The following COL6A6 variants were observed in gnomAD, a reference collection of about 807,000 sequenced individuals.
The protein encoded by COL6A6 is collagen type VI alpha 6 chain, also known as collagen alpha-6(VI) chain.
A neutral mutation model predicts 208.6 loss-of-function variants in COL6A6; 183 were observed. The ratio of observed to expected loss-of-function variants is 0.88; its 90% CI spans 0.78 to 0.99. The LOEUF (loss-of-function observed/expected upper bound fraction) is 0.99. Among genes scored for constraint, COL6A6 ranks in the 50% least tolerant of loss-of-function variants. COL6A6 has a pLI of 0.00. For missense variants in COL6A6, 2,816 were observed against 2,815.2 expected, an observed-to-expected ratio of 1.00 and a Z score of -0.01; for synonymous variants, 973 against 1,011.8, an observed-to-expected ratio of 0.96 and a Z score of 0.73.
At chr3:130,549,340 T>C (rs1183905610) in intron 1 of COL6A6, among the ~76,000 whole-genome samples, 2 of 152,128 alleles carry the variant, frequency 1.3e-5, no homozygotes, top group African/African-American at 4.8e-5. Context: ...AAATTTCTTA[T>C]AGAGATAGGC....
chr3:130,603,447 G>A (rs553242644), intron 20 of COL6A6, among the ~76,000 whole-genome samples: 2 of 152,276 alleles, frequency 1.3e-5, no homozygotes, highest in South Asian at 2.1e-4. Context: ...CCAGTGCTAT[G>A]CTAGCAGACT....
In COL6A6 at chr3:130,634,583, A is replaced by T; in HGVS notation, c.4993-7A>T. ...CCTGTATAAATCTTTCCTCCTGTCC[A>T]TTACAGGGACAAGAAGGATTCCCTG... On this transcript the variant is annotated splice_region_variant and splice_polypyrimidine_tract_variant and intron_variant, in intron 26 of 36. Coordinates refer to ENST00000358511, the MANE Select transcript of COL6A6 (RefSeq NM_001102608.3). The T allele has an allele frequency of 6.2e-7, 1 of 1,604,072 alleles. No individual in the cohort carries two copies. The highest frequency in any genetic ancestry group is 8.5e-7 in the Non-Finnish European group (1 of 1,174,376).
At chr3:130,561,737 C>T (rs2062891225) in intron 2 of COL6A6, among the ~76,000 whole-genome samples, 2 of 144,684 alleles carry the variant, frequency 1.4e-5, no homozygotes, top group Admixed American at 7.3e-5. Flanking sequence ...ACTGCAAGCT[C>T]CGCTTCCCGG....
intron 24 of COL6A6, 24 bp from the exon 25 acceptor site, chr3:130,626,461 A>G: frequency 1.3e-6 from 2 of 1,586,298 alleles, no homozygotes; most frequent in Non-Finnish European, 1.7e-6. Context: ...TTTCCAACCT[A>G]AAAACAATCT....
intron 23 of COL6A6, among the ~76,000 whole-genome samples, chr3:130,611,468 C>G (rs796100072): frequency 4.0e-5 from 6 of 151,692 alleles, no homozygotes; most frequent in African/African-American, 1.5e-4. Context: ...TTGCCTGTCT[C>G]TCCTCCTAGA....
intron 1 of COL6A6, among the ~76,000 whole-genome samples, chr3:130,524,539 T>G (rs1449353117): frequency 6.6e-6 from 1 of 152,048 alleles, no homozygotes; most frequent in Non-Finnish European, 1.5e-5. Context: ...TCCCACCTCA[T>G]TTTCTTGGAT....
intron 1 of COL6A6, among the ~76,000 whole-genome samples, chr3:130,550,802 A>G (rs2062625531): frequency 6.6e-6 from 1 of 152,200 alleles, no homozygotes. Flanking sequence ...CAGCCAAACC[A>G]TATCAGGCTC....
intron 25 of COL6A6, 46 bp downstream of exon 25, chr3:130,626,593 A>G: frequency 7.6e-7 from 1 of 1,313,738 alleles, no homozygotes. Context: ...GGAATCTTTT[A>G]GTTCAGTAGA....
At chr3:130,665,330 A>G (rs1022205450) in intron 36 of COL6A6, among the ~76,000 whole-genome samples, 5 of 152,196 alleles carry the variant, frequency 3.3e-5, no homozygotes, top group African/African-American at 1.2e-4. Context: ...GTGTTGAAAT[A>G]AAACACCCAA....
intron 4 of COL6A6, among the ~76,000 whole-genome samples, chr3:130,566,411 G>A (rs2063024586): frequency 6.6e-6 from 1 of 152,130 alleles, no homozygotes; most frequent in Admixed American, 6.5e-5. Flanking sequence ...TTTACTAATG[G>A]GTGAAGTGTC....
In COL6A6 at chr3:130,592,554, C is replaced by G; in HGVS notation, c.4286C>G (p.Ala1429Gly). The G allele has an allele frequency of 6.2e-7, 1 of 1,604,358 alleles. No individual in the cohort carries two copies. The highest frequency in any genetic ancestry group is 8.5e-7 in the Non-Finnish European group (1 of 1,174,290). Residue 1429 changes from alanine (A) to glycine (G), a missense_variant, in exon 14 of 37, where the codon GCC becomes GGC. Ala to Gly is a moderately conservative substitution (Grantham distance 60, BLOSUM62 0). Transcript: ENST00000358511. ...GCCCTTTCTCAGGGAGAAAGAGGAG[C>G]CCCTGGACCAGTGGGAGAGCAAGGT... ...GEEGIAGERG[A>G]PGPVGEQGTK...
At chr3:130,643,169 G>T in intron 31 of COL6A6, 146 bp downstream of exon 31, 1 of 805,112 alleles carries the variant, frequency 1.2e-6, no homozygotes, top group Admixed American at 2.3e-5. Flanking sequence ...GCATAGACTG[G>T]TGACTTTTAA....
intron 35 of COL6A6, among the ~76,000 whole-genome samples, chr3:130,662,662 C>T (rs2065967050): frequency 6.6e-6 from 1 of 152,158 alleles, no homozygotes; most frequent in African/African-American, 2.4e-5. Flanking sequence ...AACCTTAGCA[C>T]ACTGCCCTTT....
chr3:130,604,421 G>A (rs528378337), intron 20 of COL6A6, among the ~76,000 whole-genome samples: 1 of 152,042 alleles, frequency 6.6e-6, no homozygotes, highest in East Asian at 1.9e-4. Flanking sequence ...CGTGAACCCG[G>A]GAAGCGGAGC....
At chr3:130,555,958 T>A (rs1354863470) in intron 1 of COL6A6, among the ~76,000 whole-genome samples, 1 of 152,208 alleles carries the variant, frequency 6.6e-6, no homozygotes, top group African/African-American at 2.4e-5. Context: ...TGGTGAAATC[T>A]GGGCTTTTAG....
chr3:130,622,930 G>C (rs910328190), intron 24 of COL6A6, among the ~76,000 whole-genome samples: 2 of 151,784 alleles, frequency 1.3e-5, no homozygotes, highest in Non-Finnish European at 2.9e-5. Context: ...GGGAATGGGG[G>C]GACTGTAATG....
chr3:130,626,649 A>T (rs546210495), intron 25 of COL6A6, 102 bp downstream of exon 25: 1 of 807,510 alleles, frequency 1.2e-6, no homozygotes, highest in African/African-American at 1.7e-5. Context: ...TACAATCCTC[A>T]TGAAGTTTTA....
rs1238761728 is a variant in COL6A6 at position 130,567,756 on chromosome 3, A to G, written c.1844-291A>G. 3.3e-5 allele frequency among the ~76,000 whole-genome samples: 5 copies of G among 152,326 alleles called. No individual in the cohort carries two copies. In the East Asian group the frequency reaches 9.6e-4, roughly 29 times the overall value. ...CATCTAAGAGGTAGAGGTCAGGGAT[A>G]CTGCAAAGCATTTTACAGTATCCTA... On this transcript the variant is annotated intron_variant, in intron 5 of 36. Coordinates refer to ENST00000358511, the MANE Select transcript of COL6A6 (RefSeq NM_001102608.3).
At chr3:130,590,299 ATTTTTTTTTTTTTTTTTTTTTTT>A (rs71133610) in intron 12 of COL6A6, among the ~76,000 whole-genome samples, 9 of 9,176 alleles carry the variant, frequency 9.8e-4, no homozygotes, top group East Asian at 2.6e-3. Flanking sequence ...ATATATATAT[ATTTTTTTTTTTTTTTTTTTTTTT>A]TTTTTTTACT....
Sources: gnomAD v4.1 joint callset for allele counts (sites outside exome capture counted in the v4.1 genomes callset) on GRCh38, gnomAD v4.1.1 for gene constraint, MANE v1.5 for transcripts, NCBI Gene and HGNC (gene_info 2026-07-23, HGNC 2026-07-21) for gene names.